WDR17: variants seen among roughly 807,000 people sequenced by gnomAD.
WDR17 encodes WD repeat-containing protein 17.
WDR17 carries 143 observed loss-of-function variants against 161.7 expected under a neutral mutation model. The observed-to-expected ratio is 0.88, with a 90% CI of 0.77 to 1.02. The LOEUF is 1.02. Ranked by LOEUF, WDR17 falls within the 50% of genes least tolerant of loss-of-function variation. The pLI is 0.00. For synonymous variants in WDR17, 517 were observed against 515.6 expected, an observed-to-expected ratio of 1.00 and a Z score of -0.04; for missense variants, 1,469 against 1,520.9, an observed-to-expected ratio of 0.97 and a Z score of 0.57.
chr4:176,168,928 A>G (rs1035043520), intron 23 of WDR17, 145 bp downstream of exon 23: 11 of 803,110 alleles, frequency 1.4e-5, no homozygotes, highest in Middle Eastern at 7.5e-4. Flanking sequence ...AGTGTTGTAC[A>G]ATAGGAAGTA....
chr4:176,082,487 C>A (rs1734875295), intron 1 of WDR17, among the ~76,000 whole-genome samples: 1 of 151,914 alleles, frequency 6.6e-6, no homozygotes, highest in Non-Finnish European at 1.5e-5. Context: ...AGAAATGCAA[C>A]ATTACAGTGG....
chr4:176,124,597 A>G (rs1742140410), intron 4 of WDR17, among the ~76,000 whole-genome samples: 1 of 152,160 alleles, frequency 6.6e-6, no homozygotes. Context: ...CATTATTAAA[A>G]AAAGAAAAAA....
intron 9 of WDR17, among the ~76,000 whole-genome samples, chr4:176,138,742 G>A (rs556456014): frequency 1.8e-4 from 27 of 151,842 alleles, no homozygotes; most frequent in African/African-American, 3.6e-4. Context: ...CTGCCCACTA[G>A]TACCTAAACA....
chr4:176,085,045 C>A (rs1735254467), intron 1 of WDR17, among the ~76,000 whole-genome samples: 1 of 151,640 alleles, frequency 6.6e-6, no homozygotes. Context: ...TCATATAAAA[C>A]CTCAGTCTTT....
intron 2 of WDR17, among the ~76,000 whole-genome samples, chr4:176,113,359 T>C (rs1740085974): frequency 6.6e-6 from 1 of 152,138 alleles, no homozygotes; most frequent in Non-Finnish European, 1.5e-5. Flanking sequence ...TTCAAGTTTC[T>C]ATGTCTTAAA....
chr4:176,091,429 A>C (rs1456609268), intron 1 of WDR17, among the ~76,000 whole-genome samples: 1 of 152,188 alleles, frequency 6.6e-6, no homozygotes, highest in Admixed American at 6.6e-5. Flanking sequence ...AAGAAATTGA[A>C]AATTTTTTGA....
chr4:176,103,271 T>C (rs953710052), intron 1 of WDR17, among the ~76,000 whole-genome samples: 1 of 152,018 alleles, frequency 6.6e-6, no homozygotes, highest in Non-Finnish European at 1.5e-5. Flanking sequence ...CTGAGGATGA[T>C]CCTTGACACA....
intron 12 of WDR17, among the ~76,000 whole-genome samples, chr4:176,147,521 A>G (rs1462791651): frequency 1.3e-5 from 2 of 152,192 alleles, no homozygotes; most frequent in Non-Finnish European, 2.9e-5. Context: ...TATTTGCTGT[A>G]TTGATTAAAG....
chr4:176,115,302 G>A (rs950217343), intron 2 of WDR17, among the ~76,000 whole-genome samples: 6 of 151,644 alleles, frequency 4.0e-5, no homozygotes, highest in Non-Finnish European at 5.9e-5. Flanking sequence ...ACAATATAAT[G>A]TCCCATCCAA....
At chr4:176,092,514 A>T (rs1331358120) in intron 1 of WDR17, among the ~76,000 whole-genome samples, 6 of 152,182 alleles carry the variant, frequency 3.9e-5, no homozygotes, top group Non-Finnish European at 8.8e-5. Flanking sequence ...TATTCAACTT[A>T]GTTTTGGAAA....
chr4:176,159,325 AGAGAGAGAGAAAGG>A (rs1176303183), intron 18 of WDR17, among the ~76,000 whole-genome samples: 3 of 151,234 alleles, frequency 2.0e-5, no homozygotes, highest in Non-Finnish European at 4.4e-5. Flanking sequence ...AGAGAGAGAG[AGAGAGAGAGAAAGG>A]GAGAGAGAGA....
chr4:176,077,952 T>G (rs1179923363), intron 1 of WDR17, among the ~76,000 whole-genome samples: 3 of 152,096 alleles, frequency 2.0e-5, no homozygotes, highest in African/African-American at 7.2e-5. Flanking sequence ...TAAACACATT[T>G]GACCCAGGCA....
At position 176,168,777 on chromosome 4, in the gene WDR17, T is replaced by A. The variant is rs921017975; in HGVS notation, c.3096T>A (p.His1032Gln). ...GTACTGAAGAGATAAATGACCTTCA[T>A]GATAAGGTATGCTGATGATGTTAAA... ...PGCTEEINDL[H>Q]DKCKLPTVEE... Residue 1032 changes from histidine (H) to glutamine (Q), a missense_variant, in exon 23 of 29, where the codon CAT (histidine) becomes CAA (glutamine). By Grantham distance (24) the His-to-Gln change is conservative (BLOSUM62 0). Transcript: ENST00000508596. 1.2e-6 allele frequency: 2 copies of A among 1,610,932 alleles called. No homozygotes were observed. The highest frequency in any genetic ancestry group is 1.7e-6 in the Non-Finnish European group (2 of 1,178,834).
intron 1 of WDR17, among the ~76,000 whole-genome samples, chr4:176,094,906 A>G (rs538816239): frequency 6.6e-6 from 1 of 152,290 alleles, no homozygotes; most frequent in Admixed American, 6.5e-5. Context: ...ACCTTACTTG[A>G]AAGAGATACA....
intron 27 of WDR17, 142 bp downstream of exon 27, chr4:176,177,298 A>G: frequency 2.1e-6 from 2 of 967,320 alleles, no homozygotes; most frequent in Non-Finnish European, 1.5e-6. Context: ...AATAATTTAC[A>G]ATACCGTACT....
chr4:176,179,828 T>G lies in WDR17; in HGVS notation c.*249T>G, dbSNP rs1751971774. 1 of 185,800 alleles carries G rather than the reference T, an allele frequency of 5.4e-6. No homozygotes were observed. Among genetic ancestry groups the G allele is most frequent in the African/African-American group, 2.4e-5 (1 of 42,470 alleles). The allele number at this position is 185,800 out of a possible 1,614,324, so 11.5% of individuals were successfully genotyped here. On this transcript the variant is annotated 3_prime_UTR_variant, in exon 29 of 29. Coordinates refer to ENST00000508596, the MANE Select transcript of WDR17 (RefSeq NM_181265.4). ...TTTGGGAAGGAGGAAACATTTAAAT[T>G]ATAAAGGACTGAATAATCTAAAAAG...
At chr4:176,090,517 T>C (rs1735990904) in intron 1 of WDR17, among the ~76,000 whole-genome samples, 1 of 152,176 alleles carries the variant, frequency 6.6e-6, no homozygotes, top group African/African-American at 2.4e-5. Context: ...CACATTATTC[T>C]AGTCATTAAA....
rs1738240532 is a variant in WDR17, at chr4:176,103,875, C to G, written c.-6-7700C>G. ...TATTTGAAGGAATAATGGCAGAAAA[C>G]TCCTCAAATTTGATGAAAAACATGA... On this transcript the variant is annotated intron_variant, in intron 1 of 28. Transcript: ENST00000508596. Among the ~76,000 whole-genome samples the G allele has an allele frequency of 2.0e-5, 3 of 151,992 alleles. No individual in the cohort carries two copies. In the South Asian group the frequency reaches 6.2e-4, roughly 32 times the overall value.
intron 22 of WDR17, among the ~76,000 whole-genome samples, chr4:176,167,879 G>A (rs867355482): frequency 2.6e-5 from 4 of 151,344 alleles, no homozygotes; most frequent in Non-Finnish European, 1.5e-5. Context: ...GGTCTCGGTG[G>A]CTCATGCCTG....
Sources: gnomAD v4.1 joint callset for allele counts (sites outside exome capture counted in the v4.1 genomes callset) on GRCh38, gnomAD v4.1.1 for gene constraint, MANE v1.5 for transcripts, NCBI Gene and HGNC (gene_info 2026-07-23, HGNC 2026-07-21) for gene names.